KDM1B: variants seen among roughly 807,000 people sequenced by gnomAD.
KDM1B encodes lysine-specific histone demethylase 2.
In KDM1B, 63 loss-of-function variants were observed where a neutral mutation model predicts 107.4. The observed-to-expected ratio is 0.59, with a 90% confidence interval of 0.48 to 0.72. The LOEUF (loss-of-function observed/expected upper bound fraction) is 0.72, where lower values mean the gene tolerates loss of function less well. KDM1B is among the 30% of genes least tolerant of loss of function. The probability of loss-of-function intolerance (pLI) is 0.00; values close to 1 mark genes in which losing one functional copy is unlikely to be tolerated. For synonymous variants in KDM1B, 363 were observed against 363.9 expected (o/e 1.00, Z 0.03); for missense variants, 749 against 1,020.8 (o/e 0.73, Z 3.63).
Position 18,187,811 on chromosome 6 carries a change from A to G in KDM1B, c.593A>G (p.Asn198Ser). ...PEDLRVLEVS[N>S]HWWYSMLILP... ...TTGCAGAGAGTATTGGAAGTTTCCAACCATTGGTGGTACTCTATGCTCATC... is the reference window on the plus strand; with the variant it reads ...TTGCAGAGAGTATTGGAAGTTTCCAGCCATTGGTGGTACTCTATGCTCATC... The change falls in exon 9 of 22, where the codon AAC becomes AGC. Residue 198 changes from asparagine (N) to serine (S), a missense_variant. By Grantham distance (46) the Asn-to-Ser change is conservative. Transcript: ENST00000650836. 2 of 1,550,072 alleles carry G rather than the reference A, an allele frequency of 1.3e-6. No individual in the cohort carries two copies. The highest frequency in any genetic ancestry group is 1.7e-6 in the Non-Finnish European group (2 of 1,146,638).
chr6:18,190,557 G>A (rs1382706444), intron 9 of KDM1B, among the ~76,000 whole-genome samples: 4 of 151,854 alleles, frequency 2.6e-5, no homozygotes, highest in African/African-American at 4.8e-5. Flanking sequence ...AGCCGAGATC[G>A]CGCCACTGAA....
intron 6 of KDM1B, among the ~76,000 whole-genome samples, chr6:18,170,169 C>G (rs541724992): frequency 2.8e-4 from 43 of 152,234 alleles, no homozygotes; most frequent in Non-Finnish European, 5.6e-4. Flanking sequence ...CCTCAGCCTC[C>G]CAAAGTGCAG....
At chr6:18,190,495 G>A (rs371234062) in intron 9 of KDM1B, among the ~76,000 whole-genome samples, 2 of 151,748 alleles carry the variant, frequency 1.3e-5, no homozygotes, top group African/African-American at 4.8e-5. Context: ...CCAGCTACTC[G>A]GGAGGCTGAG....
In KDM1B at chr6:18,189,888, G is replaced by A. The variant is rs141410445; in HGVS notation, c.785-1309G>A. The stretch of plus-strand genomic sequence containing the variant: ...AGGCCGGGCACAGTGGCTCACACCT[G>A]TAATCCCAGCACTTTGGGAGGCCGA... On this transcript the variant is annotated intron_variant, in intron 9 of 21. Transcript: ENST00000650836. Among the ~76,000 whole-genome samples, 1,416 of 152,204 alleles carry A rather than the reference G, an allele frequency of 9.3e-3. 21 individuals are homozygous for A. Among genetic ancestry groups the A allele is most frequent in the African/African-American group, 0.033 (1,361 of 41,518 alleles).
At position 18,205,874 on chromosome 6, in the gene KDM1B, C is replaced by T. The variant is rs1226367473; in HGVS notation, c.1659+210C>T. Among the ~76,000 whole-genome samples, 1 of 152,094 alleles carries T rather than the reference C, an allele frequency of 6.6e-6. No individual in the cohort carries two copies. On this transcript the variant is annotated intron_variant, in intron 15 of 21. Transcript: ENST00000650836. This position sits in a 1 kb window ranked among gnomAD's most constrained non-coding sequence, Gnocchi z 5.7. ...AGGCCTGGTGGCGCATACCTGTAGT[C>T]CCAGCTACTCGGGAGGCTGAGGCAG... is the stretch of plus-strand genomic sequence containing the variant.
chr6:18,199,008 G>GAAA (rs70974711), intron 12 of KDM1B, among the ~76,000 whole-genome samples: 7 of 74,694 alleles, frequency 9.4e-5, no homozygotes, highest in African/African-American at 2.2e-4. Flanking sequence ...GTCTCTACCA[G>GAAA]AAAAAAAAAA....
rs1561912605 is a variant in KDM1B at position 18,170,889 on chromosome 6, C to T, written c.418-474C>T. On this transcript the variant is annotated intron_variant, in intron 6 of 21. Transcript: ENST00000650836. ...AGGCTGGAGTGTAGTGGTGCGATCT[C>T]GGCTCACTGCAAGCTTCGCCTCCCG... Among the ~76,000 whole-genome samples the T allele has an allele frequency of 2.6e-5, 4 of 151,462 alleles. No homozygotes were observed. In the South Asian group the frequency reaches 8.3e-4, roughly 31 times the overall value.
At chr6:18,208,897 G>T (rs214592) in intron 17 of KDM1B, among the ~76,000 whole-genome samples, 46,602 of 149,038 alleles carry the variant, frequency 0.31, 7,568 homozygotes, top group South Asian at 0.46. Flanking sequence ...CTCATGATCC[G>T]CCCGCCTCGG....
intron 7 of KDM1B, among the ~76,000 whole-genome samples, 165 bp from the exon 8 acceptor site, chr6:18,185,607 C>T (rs1026720433): frequency 2.0e-5 from 3 of 152,200 alleles, no homozygotes; most frequent in Non-Finnish European, 4.4e-5. Flanking sequence ...TAGGCGTGAG[C>T]CACAGAGCCA....
At chr6:18,196,650 G>A (rs1416239445) in intron 10 of KDM1B, among the ~76,000 whole-genome samples, 1 of 152,110 alleles carries the variant, frequency 6.6e-6, no homozygotes, top group Non-Finnish European at 1.5e-5. Context: ...AAAAAAAATG[G>A]ATGGTGGCAT....
At chr6:18,174,637 A>G (rs1375038962) in intron 7 of KDM1B, among the ~76,000 whole-genome samples, 1 of 149,712 alleles carries the variant, frequency 6.7e-6, no homozygotes, top group African/African-American at 2.5e-5. Context: ...CCAAGTCCCC[A>G]AAGTTCATTG....
chr6:18,155,606 G>C lies in KDM1B; in HGVS notation c.-58+35G>C, dbSNP rs376506090. ...TCCCCACTCCGGGGGCGTGCGTGGGGGCCGTGGCGGATTTCGGGTGACAGC... is the reference window on the plus strand; with the variant it reads ...TCCCCACTCCGGGGGCGTGCGTGGGCGCCGTGGCGGATTTCGGGTGACAGC... On this transcript the variant is annotated intron_variant, in intron 1 of 21. Transcript: ENST00000650836. This position sits in a 1 kb window ranked among gnomAD's most constrained non-coding sequence, Gnocchi z 6.2. The C allele has an allele frequency of 6.5e-6, 1 of 152,720 alleles. No homozygotes were observed. Among genetic ancestry groups the C allele is most frequent in the South Asian group, 2.0e-4 (1 of 5,104 alleles). 9.5% of individuals were successfully genotyped at this position (152,720 alleles called of 1,614,324 possible).
chr6:18,171,557 T>C (rs1208604568), intron 7 of KDM1B, 78 bp downstream of exon 7: 1 of 805,698 alleles, frequency 1.2e-6, no homozygotes, highest in African/African-American at 1.7e-5. Context: ...ATGTTTTTCA[T>C]GTATTGTGTT....
Position 18,188,144 on chromosome 6 carries a change from G to A in KDM1B, c.784+142G>A, listed in dbSNP as rs1786999995. On this transcript the variant is annotated intron_variant, in intron 9 of 21. Transcript: ENST00000650836. ...TCATGCCTGTAATCCCAGCACTTTGGGTGGCCGAGGCAGGAGGGTCCCTTG... is the reference window on the plus strand; with the variant it reads ...TCATGCCTGTAATCCCAGCACTTTGAGTGGCCGAGGCAGGAGGGTCCCTTG... The A allele has an allele frequency of 9.4e-6, 7 of 743,346 alleles. 1 individual carries two copies. The highest frequency in any genetic ancestry group is 1.7e-5 in the African/African-American group (1 of 57,598). The allele number at this position is 743,346 out of a possible 1,614,324, so 46.0% of individuals were successfully genotyped here. A position where few individuals can be genotyped will look rare whatever the true frequency, so the allele number is the denominator to read the frequency against.
intron 12 of KDM1B, among the ~76,000 whole-genome samples, chr6:18,198,195 C>T (rs1787777954): frequency 6.6e-6 from 1 of 151,538 alleles, no homozygotes; most frequent in Non-Finnish European, 1.5e-5. Flanking sequence ...TGCACCTGGC[C>T]AAAGTAGAAG....
chr6:18,221,938 T>TA lies in KDM1B; in HGVS notation c.2416dup (p.Thr806AsnfsTer110). The TA allele has an allele frequency of 6.2e-7, 1 of 1,612,930 alleles. No individual in the cohort carries two copies. The highest frequency in any genetic ancestry group is 8.5e-7 in the Non-Finnish European group (1 of 1,179,218). On this transcript the variant is annotated frameshift_variant, in exon 22 of 22. Coordinates refer to ENST00000650836, the MANE Select transcript of KDM1B (RefSeq NM_001364614.2). LOFTEE classifies it high-confidence loss of function. ...CAAACAGGCATTTCCCACAAACTGT[T>TA]ACAGGGGCATATTTGAGTGGCGTTC...
intron 20 of KDM1B, among the ~76,000 whole-genome samples, chr6:18,215,975 T>TA (rs1254171308): frequency 6.6e-6 from 1 of 152,204 alleles, no homozygotes; most frequent in African/African-American, 2.4e-5. Flanking sequence ...GGCCATGGCT[T>TA]ATATCTTTTT....
In KDM1B at chr6:18,197,486, G is replaced by T. The variant is rs915796591; in HGVS notation, c.1147-101G>T. The T allele has an allele frequency of 3.1e-6, 3 of 956,664 alleles. No homozygotes were observed. Among genetic ancestry groups the T allele is most frequent in the African/African-American group, 1.6e-5 (1 of 61,784 alleles). The allele number at this position is 956,664 out of a possible 1,614,324, so 59.3% of individuals were successfully genotyped here. On this transcript the variant is annotated intron_variant, in intron 11 of 21. Transcript: ENST00000650836. The surrounding 1 kb of genome is among the most constrained non-coding windows in gnomAD (Gnocchi z 4.5). ...AAAATAACTTTCTAAGGACATCAAAGAAATGTAAATGAACGAATTTGCTCT... is the reference window on the plus strand; with the variant it reads ...AAAATAACTTTCTAAGGACATCAAATAAATGTAAATGAACGAATTTGCTCT...
rs1409661165 is a variant in KDM1B, at chr6:18,203,513, T to G, written c.1531+1856T>G. Among the ~76,000 whole-genome samples the G allele has an allele frequency of 2.6e-5, 4 of 152,258 alleles. No homozygotes were observed. The highest frequency in any genetic ancestry group is 4.2e-4 in the South Asian group (2 of 4,814). ...TAAATACTAAGGGACTAGATTTCATTTCAGAAAGCATGTGCACTAAAGCTG... is the reference window on the plus strand; with the variant it reads ...TAAATACTAAGGGACTAGATTTCATGTCAGAAAGCATGTGCACTAAAGCTG... On this transcript the variant is annotated intron_variant, in intron 14 of 21. Coordinates refer to ENST00000650836, the MANE Select transcript of KDM1B (RefSeq NM_001364614.2). This position sits in a 1 kb window ranked among gnomAD's most constrained non-coding sequence, Gnocchi z 5.5.
Sources: allele counts gnomAD v4.1 joint callset (sites outside exome capture counted in the v4.1 genomes callset), GRCh38; gene constraint gnomAD v4.1.1; non-coding constraint Gnocchi (gnomAD v3.1); transcripts MANE v1.5; gene names NCBI Gene and HGNC (gene_info 2026-07-23, HGNC 2026-07-21).